Variants in MUSK observed in about 807,000 individuals in gnomAD.
MUSK encodes muscle, skeletal receptor tyrosine-protein kinase.
Under a neutral mutation model 88.7 loss-of-function variants are expected in MUSK, and 55 were observed. The ratio of observed to expected loss-of-function variants is 0.62; its 90% CI spans 0.50 to 0.78. MUSK has a LOEUF of 0.78. MUSK is among the 30% of genes least tolerant of loss of function. MUSK has a pLI of 0.00. For synonymous variants in MUSK, 387 were observed against 391.9 expected (o/e 0.99, Z 0.15); for missense variants, 1,015 against 1,074.3 (o/e 0.94, Z 0.77).
At chr9:110,697,716 G>A (rs1168115177) in intron 5 of MUSK, among the ~76,000 whole-genome samples, 1 of 152,054 alleles carries the variant, frequency 6.6e-6, no homozygotes, top group South Asian at 2.1e-4. Context: ...TACCAAAACA[G>A]ACTAAATTTA....
At chr9:110,715,246 T>A (rs1376320089) in intron 5 of MUSK, among the ~76,000 whole-genome samples, 2 of 149,976 alleles carry the variant, frequency 1.3e-5, no homozygotes, top group Admixed American at 6.6e-5. Flanking sequence ...TTCCCAGTTA[T>A]GAGTTAGCTG....
At chr9:110,704,457 A>C (rs2076570695) in intron 5 of MUSK, among the ~76,000 whole-genome samples, 1 of 152,230 alleles carries the variant, frequency 6.6e-6, no homozygotes, top group Non-Finnish European at 1.5e-5. Context: ...TATTATAGAC[A>C]CATAGTGTGT....
intron 5 of MUSK, chr9:110,728,562 A>T: frequency 1.5e-6 from 1 of 682,314 alleles, no homozygotes; most frequent in Non-Finnish European, 2.6e-6. Flanking sequence ...ATAAGAAACA[A>T]GCAGCTTCTA....
rs2078085752 is a variant in MUSK, at chr9:110,800,852, A to C, written c.2474A>C (p.Glu825Ala). Residue 825 changes from glutamate (E) to alanine (A), a missense_variant, in exon 15 of 15, where the codon GAG (glutamate) becomes GCG (alanine). Coordinates refer to ENST00000374448, the MANE Select transcript of MUSK (RefSeq NM_005592.4). ...GATGGCAACATCCTCTCCTGCCCTG[A>C]GAACTGCCCCGTGGAGCTGTACAAT... ...VRDGNILSCP[E>A]NCPVELYNLM... The C allele has an allele frequency of 6.2e-7, 1 of 1,606,916 alleles. No homozygotes were observed. The highest frequency in any genetic ancestry group is 8.5e-7 in the Non-Finnish European group (1 of 1,175,316).
At chr9:110,718,519 C>G (rs1199076759) in intron 5 of MUSK, among the ~76,000 whole-genome samples, 1 of 151,872 alleles carries the variant, frequency 6.6e-6, no homozygotes, top group Non-Finnish European at 1.5e-5. Flanking sequence ...CTAACCAAAT[C>G]CATCAAAGAC....
At chr9:110,669,719 C>G (rs984720640) in intron 1 of MUSK, among the ~76,000 whole-genome samples, 1 of 152,134 alleles carries the variant, frequency 6.6e-6, no homozygotes, top group African/African-American at 2.4e-5. Flanking sequence ...TATTATGAAA[C>G]TGGGACTAGC....
chr9:110,695,601 G>T, intron 4 of MUSK, 71 bp downstream of exon 4: 1 of 1,226,330 alleles, frequency 8.2e-7, no homozygotes, highest in Non-Finnish European at 1.1e-6. Context: ...TACACACTCA[G>T]TTACACACTT....
Position 110,776,648 on chromosome 9 carries a change from C to T in MUSK, c.1377C>T (p.Asn459=). The T allele has an allele frequency of 1.3e-6, 2 of 1,597,412 alleles. No individual in the cohort carries two copies. Among genetic ancestry groups the T allele is most frequent in the Non-Finnish European group, 1.7e-6 (2 of 1,168,212 alleles). The change falls in exon 11 of 15, where the codon AAC becomes AAT. Residue 459 remains asparagine, a synonymous_variant. Coordinates refer to ENST00000374448, the MANE Select transcript of MUSK (RefSeq NM_005592.4). The stretch of plus-strand genomic sequence containing the variant: ...CCCCTTCAGATTATAACAAAGAAAA[C>T]CTAAAAAGTAAGTAATTGTGTTTGT... The part of the protein sequence containing the change: ...RLPHLDYNKE[N]LKTFPPMTSS...
In MUSK at chr9:110,682,932, A is replaced by G. The variant is rs1255619657; in HGVS notation, c.206+132A>G. 7 of 549,314 alleles carry G rather than the reference A, an allele frequency of 1.3e-5. No homozygotes were observed. In the East Asian group the frequency reaches 2.2e-4, roughly 17 times the overall value. 34.0% of individuals were successfully genotyped at this position (549,314 alleles called of 1,614,324 possible). A position where few individuals can be genotyped will look rare whatever the true frequency, so the allele number is the denominator to read the frequency against. On this transcript the variant is annotated intron_variant, in intron 2 of 14. Coordinates refer to ENST00000374448, the MANE Select transcript of MUSK (RefSeq NM_005592.4). ...AATGTAAAATAAGTACCTCATGGAG[A>G]ATGGGGTATCCATCCCCTCAAGCAT...
chr9:110,713,286 GTCTC>G (rs1256127546), intron 5 of MUSK, among the ~76,000 whole-genome samples: 2 of 146,370 alleles, frequency 1.4e-5, no homozygotes, highest in Admixed American at 6.9e-5. Flanking sequence ...TTGAGACAGA[GTCTC>G]TCTCTGTCAT....
At chr9:110,785,090 T>C (rs1219585139) in intron 12 of MUSK, 74 bp downstream of exon 12, 2 of 1,334,666 alleles carry the variant, frequency 1.5e-6, no homozygotes, top group African/African-American at 2.9e-5. Context: ...TGGTATGACG[T>C]GAGGAATATA....
At chr9:110,720,814 C>A (rs2076801733) in intron 5 of MUSK, among the ~76,000 whole-genome samples, 1 of 152,032 alleles carries the variant, frequency 6.6e-6, no homozygotes, top group Non-Finnish European at 1.5e-5. Context: ...ACCAATACAC[C>A]TGATGAACAC....
At chr9:110,731,541 G>A (rs2076963503) in intron 5 of MUSK, among the ~76,000 whole-genome samples, 1 of 152,026 alleles carries the variant, frequency 6.6e-6, no homozygotes, top group African/African-American at 2.4e-5. Context: ...TGAGAGTGCA[G>A]GAGAAAGCAG....
chr9:110,695,420 C>A lies in MUSK; in HGVS notation c.376C>A (p.Pro126Thr). The change falls in exon 4 of 15, where the codon CCT (proline) becomes ACT (threonine). Residue 126 changes from proline (P) to threonine (T), a missense_variant. Transcript: ENST00000374448. ...QVKMKPKITR[P>T]PINVKIIEGL... The stretch of plus-strand genomic sequence containing the variant: ...CTTTTTAGAACCTAAAATAACTCGT[C>A]CTCCCATAAATGTGAAAATAATAGA... 1 of 1,517,116 alleles carries A rather than the reference C, an allele frequency of 6.6e-7. No homozygotes were observed. Among genetic ancestry groups the A allele is most frequent in the Non-Finnish European group, 8.9e-7 (1 of 1,119,442 alleles). 94.0% of individuals were successfully genotyped at this position (1,517,116 alleles called of 1,614,324 possible).
intron 1 of MUSK, among the ~76,000 whole-genome samples, chr9:110,670,781 A>G (rs968498936): frequency 6.6e-6 from 1 of 152,146 alleles, no homozygotes; most frequent in Non-Finnish European, 1.5e-5. Flanking sequence ...GTACTGTAAA[A>G]TCTAAATTAG....
chr9:110,685,574 G>T (rs941587319), intron 2 of MUSK, among the ~76,000 whole-genome samples: 32 of 152,090 alleles, frequency 2.1e-4, no homozygotes, highest in African/African-American at 7.7e-4. Context: ...CCACATAACT[G>T]CAGGACACCA....
chr9:110,759,440 A>T (rs562306809), intron 7 of MUSK, among the ~76,000 whole-genome samples: 1 of 152,228 alleles, frequency 6.6e-6, no homozygotes, highest in South Asian at 2.1e-4. Context: ...GAAAATGCCA[A>T]AAGCACTTGC....
chr9:110,709,399 C>A (rs2076640539), intron 5 of MUSK, among the ~76,000 whole-genome samples: 1 of 152,154 alleles, frequency 6.6e-6, no homozygotes. Context: ...GAGTCCAAAT[C>A]CTGGTTCTAC....
intron 2 of MUSK, among the ~76,000 whole-genome samples, chr9:110,685,809 C>T (rs191353693): frequency 2.0e-5 from 3 of 152,278 alleles, no homozygotes; most frequent in Non-Finnish European, 4.4e-5. Context: ...CATTAACACA[C>T]GTATTTCTAT....
Sources: allele counts gnomAD v4.1 joint callset (sites outside exome capture counted in the v4.1 genomes callset), GRCh38; gene constraint gnomAD v4.1.1; transcripts MANE v1.5; gene names NCBI Gene and HGNC (gene_info 2026-07-23, HGNC 2026-07-21).